LATS1: variants seen among roughly 807,000 people sequenced by gnomAD.
The protein encoded by LATS1 is large tumor suppressor kinase 1.
In LATS1, 25 loss-of-function variants were observed where a neutral mutation model predicts 106.6. That is an observed-to-expected ratio of 0.23 (90% confidence interval 0.17 to 0.33). The LOEUF is 0.33. Among genes scored for constraint, LATS1 ranks in the 10% least tolerant of loss-of-function variants. The pLI, the probability that LATS1 is intolerant of heterozygous loss-of-function variation, is 1.00. For synonymous variants in LATS1, 465 were observed against 455.6 expected (o/e 1.02, Z -0.26); for missense variants, 1,040 against 1,382.6 (o/e 0.75, Z 3.93).
intron 1 of LATS1, among the ~76,000 whole-genome samples, chr6:149,704,826 A>G (rs1485258918): frequency 6.6e-6 from 1 of 151,538 alleles, no homozygotes; most frequent in East Asian, 1.9e-4. Context: ...TATGTTAATA[A>G]AGCTGTTAAA....
intron 4 of LATS1, among the ~76,000 whole-genome samples, chr6:149,682,049 T>C (rs1582871641): frequency 6.6e-6 from 1 of 151,034 alleles, no homozygotes; most frequent in African/African-American, 2.4e-5. Flanking sequence ...GAGGCGGAGG[T>C]TGCAGTGAGC....
Position 149,661,966 on chromosome 6 carries a change from G to A in LATS1, c.3156C>T (p.Asn1052=), listed in dbSNP as rs764171077. 18 of 1,613,790 alleles carry A rather than the reference G, an allele frequency of 1.1e-5. No homozygotes were observed. Among genetic ancestry groups the A allele is most frequent in the African/African-American group, 2.7e-5 (2 of 74,830 alleles). Residue 1052 remains asparagine, a synonymous_variant, in exon 8 of 8, where the codon AAC becomes AAT. Transcript: ENST00000543571. The part of the protein sequence containing the change: ...VDPDKLWSDD[N]EEENVNDTLN... ...GAGTGTCATTTACATTTTCTTCCTC[G>A]TTATCATCACTCCATAATTTATCAG...
At chr6:149,701,512 A>G (rs1158059302) in intron 2 of LATS1, among the ~76,000 whole-genome samples, 1 of 152,216 alleles carries the variant, frequency 6.6e-6, no homozygotes, top group East Asian at 1.9e-4. Flanking sequence ...CTTCAACTGC[A>G]CTTCCATTAT....
At chr6:149,680,876 C>G (rs1782000349) in intron 4 of LATS1, among the ~76,000 whole-genome samples, 1 of 151,562 alleles carries the variant, frequency 6.6e-6, no homozygotes, top group Non-Finnish European at 1.5e-5. Flanking sequence ...CCTATTTTGT[C>G]TTTCATGAAA....
At chr6:149,707,495 C>G (rs975827256) in intron 1 of LATS1, among the ~76,000 whole-genome samples, 6 of 152,092 alleles carry the variant, frequency 3.9e-5, no homozygotes, top group South Asian at 2.1e-4. Flanking sequence ...CTTTTCCCCC[C>G]ATAACATTTC....
chr6:149,676,340 T>C lies in LATS1; in HGVS notation c.2803A>G (p.Ser935Gly). 1 of 1,612,574 alleles carries C rather than the reference T, an allele frequency of 6.2e-7. No homozygotes were observed. The highest frequency in any genetic ancestry group is 8.5e-7 in the Non-Finnish European group (1 of 1,178,690). Reference sequence around the variant, plus strand: ...ATTTCAAAAAGAATAACACCAACACTCCACCAATCACACAACTGTGTGTAT... The same window carrying C: ...ATTTCAAAAAGAATAACACCAACACCCCACCAATCACACAACTGTGTGTAT... The part of the protein sequence containing the change: ...TGYTQLCDWW[S>G]VGVILFEMLV... Residue 935 changes from serine (S) to glycine (G), a missense_variant, in exon 7 of 8, where the codon AGT becomes GGT. Coordinates refer to ENST00000543571, the MANE Select transcript of LATS1 (RefSeq NM_004690.4).
intron 7 of LATS1, among the ~76,000 whole-genome samples, chr6:149,668,573 C>A: frequency 6.6e-6 from 1 of 150,862 alleles, no homozygotes; most frequent in Non-Finnish European, 1.5e-5. Context: ...GTAGCTGGGA[C>A]CACAGGCATG....
chr6:149,701,966 A>C lies in LATS1; in HGVS notation c.161T>G (p.Met54Arg), dbSNP rs1783487818. 3 of 1,614,170 alleles carry C rather than the reference A, an allele frequency of 1.9e-6. No individual in the cohort carries two copies. The highest frequency in any genetic ancestry group is 2.5e-6 in the Non-Finnish European group (3 of 1,180,034). Reference sequence around the variant, plus strand: ...AGGATCTTCGGTTGACATTTTACTCATGTTATGCTCAGCCTTAGCAGCATC... The same window carrying C: ...AGGATCTTCGGTTGACATTTTACTCCTGTTATGCTCAGCCTTAGCAGCATC... ...PSDAAKAEHN[M>R]SKMSTEDPRQ... is the part of the protein sequence containing the mutation. Residue 54 changes from methionine (M) to arginine (R), a missense_variant, in exon 2 of 8, where the codon ATG becomes AGG. Coordinates refer to ENST00000543571, the MANE Select transcript of LATS1 (RefSeq NM_004690.4).
intron 7 of LATS1, among the ~76,000 whole-genome samples, chr6:149,670,670 C>G (rs1781399960): frequency 6.6e-6 from 1 of 152,040 alleles, no homozygotes; most frequent in African/African-American, 2.4e-5. Flanking sequence ...AGCACAGATG[C>G]CTGCCTTTCT....
intron 1 of LATS1, among the ~76,000 whole-genome samples, chr6:149,704,254 C>G (rs146578674): frequency 2.9e-4 from 44 of 152,222 alleles, no homozygotes; most frequent in African/African-American, 8.9e-4. Context: ...CCACCCACCT[C>G]AGCCTCCCAA....
intron 7 of LATS1, among the ~76,000 whole-genome samples, chr6:149,667,960 G>T (rs546232511): frequency 6.6e-6 from 1 of 152,180 alleles, no homozygotes; most frequent in Non-Finnish European, 1.5e-5. Flanking sequence ...TCGGGCTGTC[G>T]CCCCGGCTGG....
rs559817484 is a variant in LATS1, at chr6:149,695,422, A to G, written c.349-201T>C. ...TAAAACAGGCAGGGCGCAGTGGCTC[A>G]AGCCACTTTGGGAGGCCGAGGTGGT... On this transcript the variant is annotated intron_variant, in intron 2 of 7. Coordinates refer to ENST00000543571, the MANE Select transcript of LATS1 (RefSeq NM_004690.4). 2.6e-5 allele frequency among the ~76,000 whole-genome samples: 4 copies of G among 152,316 alleles called. No individual in the cohort carries two copies. In the South Asian group the frequency reaches 8.3e-4, roughly 32 times the overall value.
chr6:149,660,237 A>C lies in LATS1; in HGVS notation c.*1492T>G, dbSNP rs1304589826. Reference sequence around the variant, plus strand: ...CACTAACCCCAAAAGACGCACGATAACACAGTAGTGGGTTTTCAGGCTGAG... The same window carrying C: ...CACTAACCCCAAAAGACGCACGATACCACAGTAGTGGGTTTTCAGGCTGAG... On this transcript the variant is annotated 3_prime_UTR_variant, in exon 8 of 8. Coordinates refer to ENST00000543571, the MANE Select transcript of LATS1 (RefSeq NM_004690.4). 4.3e-6 allele frequency: 1 copy of C among 232,946 alleles called. No homozygotes were observed. The highest frequency in any genetic ancestry group is 8.5e-6 in the Non-Finnish European group (1 of 117,960). 14.4% of individuals were successfully genotyped at this position (232,946 alleles called of 1,614,324 possible).
At chr6:149,678,312 C>T (rs1050440689) in intron 5 of LATS1, among the ~76,000 whole-genome samples, 1 of 151,948 alleles carries the variant, frequency 6.6e-6, no homozygotes, top group African/African-American at 2.4e-5. Context: ...CCACTGCACT[C>T]CAGCCTGGGC....
At chr6:149,695,755 A>G (rs2035487799) in intron 2 of LATS1, among the ~76,000 whole-genome samples, 1 of 151,666 alleles carries the variant, frequency 6.6e-6, no homozygotes, top group Non-Finnish European at 1.5e-5. Flanking sequence ...TTTATGTAAC[A>G]TATTTCTATT....
In LATS1 at chr6:149,684,002, C is replaced by A. The variant is rs755224337; in HGVS notation, c.1087G>T (p.Val363Phe). Residue 363 changes from valine to phenylalanine, a missense_variant, in exon 4 of 8, where the codon GTC (valine) becomes TTC (phenylalanine). This residue lies in a region of LATS1 where 624 missense variants were observed against 714.8 expected (regional missense o/e 0.87). Coordinates refer to ENST00000543571, the MANE Select transcript of LATS1 (RefSeq NM_004690.4). Reference protein sequence around the residue: ...QTDFMIHQNVVPAGTVNRQPP... With the variant: ...QTDFMIHQNVFPAGTVNRQPP... ...TGCCGATTCACAGTGCCAGCAGGGA[C>A]AACATTTTGGTGTATCATGAAATCA... 3 of 1,614,012 alleles carry A rather than the reference C, an allele frequency of 1.9e-6. No homozygotes were observed. The highest frequency in any genetic ancestry group is 1.6e-4 in the Middle Eastern group (1 of 6,062).
intron 4 of LATS1, among the ~76,000 whole-genome samples, chr6:149,681,771 G>A (rs767438420): frequency 6.6e-6 from 1 of 152,156 alleles, no homozygotes; most frequent in Non-Finnish European, 1.5e-5. Context: ...TGGATTGTGA[G>A]TGACAGATGT....
intron 3 of LATS1, among the ~76,000 whole-genome samples, chr6:149,687,194 G>A (rs1172732142): frequency 6.6e-6 from 1 of 151,360 alleles, no homozygotes; most frequent in Admixed American, 6.6e-5. Context: ...GGGTTTAGGC[G>A]ATTCTCCTGC....
intron 7 of LATS1, among the ~76,000 whole-genome samples, chr6:149,662,813 A>C (rs1325852646): frequency 3.3e-5 from 5 of 151,904 alleles, no homozygotes; most frequent in African/African-American, 1.2e-4. Context: ...AAAAACTTTA[A>C]AAATTAGCCA....
Sources: allele counts gnomAD v4.1 joint callset (sites outside exome capture counted in the v4.1 genomes callset), GRCh38; gene constraint gnomAD v4.1.1; regional missense constraint gnomAD v4.1.1; transcripts MANE v1.5; gene names NCBI Gene and HGNC (gene_info 2026-07-23, HGNC 2026-07-21).